Variants in CEP104 observed in about 807,000 individuals in gnomAD.
CEP104 encodes centrosomal protein 104, also known as centrosomal protein of 104 kDa.
CEP104 carries 84 observed loss-of-function variants against 113.3 expected under a neutral mutation model. That is an observed-to-expected ratio of 0.74 (90% CI 0.62 to 0.89). CEP104 has a LOEUF of 0.89. Ranked by LOEUF, CEP104 falls within the 40% of genes least tolerant of loss-of-function variation. CEP104 has a pLI of 0.00. For synonymous variants in CEP104, 378 were observed against 421.7 expected, an observed-to-expected ratio of 0.90 and a Z score of 1.27; for missense variants, 1,053 against 1,156.6, an observed-to-expected ratio of 0.91 and a Z score of 1.30.
chr1:3,831,859 T>C (rs911892856), intron 12 of CEP104, among the ~76,000 whole-genome samples: 3 of 152,218 alleles, frequency 2.0e-5, no homozygotes, highest in Non-Finnish European at 4.4e-5. Context: ...TAATCTCTTA[T>C]CGTGCTGGCC....
intron 15 of CEP104, among the ~76,000 whole-genome samples, chr1:3,828,316 C>A (rs773081527): frequency 3.3e-5 from 5 of 152,176 alleles, no homozygotes; most frequent in African/African-American, 1.2e-4. Context: ...CACCACGATG[C>A]GGACCTGAGC....
rs1222430929 is a variant in CEP104 at position 3,845,353 on chromosome 1, T to A, written c.427-2A>T. The A allele has an allele frequency of 6.3e-7, 1 of 1,590,224 alleles. No homozygotes were observed. Among genetic ancestry groups the A allele is most frequent in the Non-Finnish European group, 8.6e-7 (1 of 1,159,890 alleles). On this transcript the variant is annotated splice_acceptor_variant, in intron 4 of 21. Transcript: ENST00000378230. LOFTEE classifies it high-confidence loss of function. Reference sequence around the variant, plus strand: ...GATATTTATGGCAACCAAAGCAACCTAAGAAAGTGTTAAAATAACAGAATT... The same window carrying A: ...GATATTTATGGCAACCAAAGCAACCAAAGAAAGTGTTAAAATAACAGAATT...
chr1:3,833,011 A>G (rs1644246289), intron 12 of CEP104, among the ~76,000 whole-genome samples: 2 of 128,628 alleles, frequency 1.6e-5, no homozygotes. Context: ...TTTAAGATGG[A>G]GTCTCACTCT....
intron 21 of CEP104, chr1:3,816,024 G>A (rs1177357549): frequency 4.5e-6 from 2 of 446,416 alleles, no homozygotes; most frequent in South Asian, 3.7e-5. Context: ...AGCGGAGGAC[G>A]GGAGTGTGAA....
rs556092039 is a variant in CEP104 at position 3,832,765 on chromosome 1, G to A, written c.1659+1097C>T. 5.9e-5 allele frequency among the ~76,000 whole-genome samples: 9 copies of A among 152,082 alleles called. No individual in the cohort carries two copies. The South Asian group carries it at 1.7e-3, about 28-fold the overall frequency. On this transcript the variant is annotated intron_variant, in intron 12 of 21. Coordinates refer to ENST00000378230, the MANE Select transcript of CEP104 (RefSeq NM_014704.4). Reference sequence around the variant, plus strand: ...AGTGGCGAGATCACGGCTCACTGCAGCCTCAACCACCTGGGCTCAAGCCTC... The same window carrying A: ...AGTGGCGAGATCACGGCTCACTGCAACCTCAACCACCTGGGCTCAAGCCTC...
intron 18 of CEP104, among the ~76,000 whole-genome samples, chr1:3,824,512 C>T (rs1644045639): frequency 1.3e-5 from 2 of 152,230 alleles, no homozygotes; most frequent in African/African-American, 4.8e-5. Flanking sequence ...ATTAAAAATG[C>T]GTCTCTTCCT....
intron 6 of CEP104, among the ~76,000 whole-genome samples, chr1:3,842,622 T>C (rs945798195): frequency 6.6e-6 from 1 of 152,232 alleles, no homozygotes; most frequent in African/African-American, 2.4e-5. Flanking sequence ...GGATCAAGAA[T>C]TAATCACTTT....
chr1:3,818,023 C>T (rs920434417), intron 20 of CEP104, among the ~76,000 whole-genome samples: 20 of 152,238 alleles, frequency 1.3e-4, no homozygotes, highest in African/African-American at 4.6e-4. Flanking sequence ...CCAGCAGAGC[C>T]GCCTGGCCGC....
At chr1:3,816,502 C>T (rs1242604595) in intron 20 of CEP104, 132 bp from the exon 21 acceptor site, 1 of 639,196 alleles carries the variant, frequency 1.6e-6, no homozygotes, top group East Asian at 2.8e-5. Flanking sequence ...AGAAGAACGG[C>T]TCCCTCACCT....
Position 3,819,181 on chromosome 1 carries a change from G to A in CEP104, c.2572-2811C>T, listed in dbSNP as rs960366497. On this transcript the variant is annotated intron_variant, in intron 20 of 21. Transcript: ENST00000378230. This position sits in a 1 kb window ranked among gnomAD's most constrained non-coding sequence, Gnocchi z 4.6. ...AAGTGCTACTGATCTATTAGAACCCGGGCGAACCTTGAAAACACGTTAAGT... is the reference window on the plus strand; with the variant it reads ...AAGTGCTACTGATCTATTAGAACCCAGGCGAACCTTGAAAACACGTTAAGT... 1.3e-5 allele frequency among the ~76,000 whole-genome samples: 2 copies of A among 152,274 alleles called. No individual in the cohort carries two copies. Among genetic ancestry groups the A allele is most frequent in the East Asian group, 1.9e-4 (1 of 5,186 alleles).
rs1339258620 is a variant in CEP104 at position 3,837,539 on chromosome 1, A to G, written c.892-20T>C. Reference sequence around the variant, plus strand: ...TCGCATCTAGAGAACAAAAAGGAACATTTAATTTCAAATGCCACTGCCACG... The same window carrying G: ...TCGCATCTAGAGAACAAAAAGGAACGTTTAATTTCAAATGCCACTGCCACG... On this transcript the variant is annotated intron_variant, in intron 8 of 21. Coordinates refer to ENST00000378230, the MANE Select transcript of CEP104 (RefSeq NM_014704.4). 1 of 1,603,396 alleles carries G rather than the reference A, an allele frequency of 6.2e-7. No individual in the cohort carries two copies. Among genetic ancestry groups the G allele is most frequent in the East Asian group, 2.2e-5 (1 of 44,830 alleles).
intron 14 of CEP104, 65 bp from the exon 15 acceptor site, chr1:3,829,438 A>G (rs1138630): frequency 1.9e-6 from 2 of 1,072,942 alleles, no homozygotes; most frequent in African/African-American, 1.6e-5. Context: ...CTGGGAGACA[A>G]ATTATGGCAT....
chr1:3,817,966 C>A (rs1420564031), intron 20 of CEP104, among the ~76,000 whole-genome samples: 2 of 152,260 alleles, frequency 1.3e-5, no homozygotes, highest in Admixed American at 6.5e-5. Flanking sequence ...CTCAATCAGT[C>A]TCCGGCTGCG....
chr1:3,843,553 T>C (rs549406808), intron 6 of CEP104, among the ~76,000 whole-genome samples: 110 of 150,806 alleles, frequency 7.3e-4, no homozygotes, highest in Non-Finnish European at 1.2e-3. Context: ...GGTTTTGACA[T>C]GTTCCCCAGG....
At position 3,816,378 on chromosome 1, in the gene CEP104, A is replaced by C. The variant is rs1557655300; in HGVS notation, c.2572-8T>G. On this transcript the variant is annotated splice_polypyrimidine_tract_variant and splice_region_variant and intron_variant, in intron 20 of 21. Transcript: ENST00000378230. ...CAGGTGAGCTTTCCATGCCTGCAGCAGAGGAGGCACACAGAGTGTTAATCA... is the reference window on the plus strand; with the variant it reads ...CAGGTGAGCTTTCCATGCCTGCAGCCGAGGAGGCACACAGAGTGTTAATCA... 6.5e-7 allele frequency: 1 copy of C among 1,548,832 alleles called. No homozygotes were observed. The highest frequency in any genetic ancestry group is 2.0e-5 in the Admixed American group (1 of 50,876).
intron 1 of CEP104, chr1:3,856,066 G>A (rs984959059): frequency 8.2e-6 from 4 of 490,616 alleles, no homozygotes; most frequent in East Asian, 3.0e-4. Context: ...CTTCCATTTT[G>A]TTACAAGACT....
intron 11 of CEP104, 82 bp downstream of exon 11, chr1:3,834,843 C>A (rs1644279015): frequency 7.4e-7 from 1 of 1,349,162 alleles, no homozygotes; most frequent in Non-Finnish European, 1.0e-6. Flanking sequence ...CTGGTCCTCT[C>A]TCAAGCTGCT....
rs994246394 is a variant in CEP104, at chr1:3,839,651, T to A, written c.692A>T (p.Asp231Val). The A allele has an allele frequency of 6.2e-7, 1 of 1,613,870 alleles. No homozygotes were observed. Among genetic ancestry groups the A allele is most frequent in the Non-Finnish European group, 8.5e-7 (1 of 1,179,966 alleles). ...KREAVQKERY[D>V]YAKKLKQAIA... ...GGCTTGTTTTAGTTTCTTGGCATAATCATAGCGTTCCTTTTGGACAGCTTC... is the reference window on the plus strand; with the variant it reads ...GGCTTGTTTTAGTTTCTTGGCATAAACATAGCGTTCCTTTTGGACAGCTTC... The change falls in exon 7 of 22, where the codon GAT becomes GTT. Residue 231 changes from aspartate to valine, a missense_variant. Transcript: ENST00000378230.
chr1:3,854,167 A>C (rs1644667186), intron 1 of CEP104, among the ~76,000 whole-genome samples: 1 of 152,032 alleles, frequency 6.6e-6, no homozygotes, highest in African/African-American at 2.4e-5. Flanking sequence ...AGGTCTTATC[A>C]GGCCTGCCCT....
Sources: gnomAD v4.1 joint callset for allele counts (sites outside exome capture counted in the v4.1 genomes callset) on GRCh38, gnomAD v4.1.1 for gene constraint, Gnocchi (gnomAD v3.1) non-coding constraint, MANE v1.5 for transcripts, NCBI Gene and HGNC (gene_info 2026-07-23, HGNC 2026-07-21) for gene names.